Variants in STAT5B observed in about 807,000 individuals in gnomAD.
STAT5B encodes the protein signal transducer and activator of transcription 5B, also known as transcription factor STAT5B.
Under a neutral mutation model 107.8 loss-of-function variants are expected in STAT5B, and 21 were observed. The ratio of observed to expected loss-of-function variants is 0.19; its 90% confidence interval spans 0.14 to 0.28. STAT5B has a LOEUF of 0.28. Among genes scored for constraint, STAT5B ranks in the 10% least tolerant of loss-of-function variants. The probability of loss-of-function intolerance (pLI) is 1.00; values close to 1 mark genes in which losing one functional copy is unlikely to be tolerated. For synonymous variants in STAT5B, 325 were observed against 401.7 expected (o/e 0.81, Z 2.28); for missense variants, 565 against 1,008.2 (o/e 0.56, Z 5.95).
Position 42,206,608 on chromosome 17 carries a change from CTT to C in STAT5B, c.2077+948_2077+949del, listed in dbSNP as rs541345103. Among the ~76,000 whole-genome samples, 154 of 152,146 alleles carry C rather than the reference CTT, an allele frequency of 1.0e-3. 1 individual carries two copies. The highest frequency in any genetic ancestry group is 2.0e-3 in the Non-Finnish European group (136 of 68,030). On this transcript the variant is annotated intron_variant, in intron 16 of 18. Transcript: ENST00000293328. ...TTTGTTTTTGAGACAGAGTTTCACT[CTT>C]GTTGCCCAGGCTGGAGTGCAATGGC...
chr17:42,282,243 G>A, the STAT5B span, among the ~76,000 whole-genome samples: 1 of 152,192 alleles, frequency 6.6e-6, no homozygotes, highest in Non-Finnish European at 1.5e-5. Flanking sequence ...CTGTAATACA[G>A]ATGGGATTGA....
At chr17:42,255,058 T>C (rs2080531291) in intron 1 of STAT5B, among the ~76,000 whole-genome samples, 2 of 152,092 alleles carry the variant, frequency 1.3e-5, no homozygotes, top group Admixed American at 1.3e-4. Context: ...GCCACTGCAC[T>C]CCAGCCTGGC....
At chr17:42,224,638 C>A in intron 4 of STAT5B, 141 bp downstream of exon 4, 1 of 855,438 alleles carries the variant, frequency 1.2e-6, no homozygotes, top group Non-Finnish European at 1.9e-6. Context: ...TCTCCTATTT[C>A]TTTTGTGCCC....
At chr17:42,211,297 C>T (rs989187719) in intron 13 of STAT5B, among the ~76,000 whole-genome samples, 8 of 152,070 alleles carry the variant, frequency 5.3e-5, no homozygotes, top group South Asian at 2.1e-4. Context: ...CACCTGAGGT[C>T]GGGAGTTCGA....
At chr17:42,226,589 C>T (rs1469540879) in intron 3 of STAT5B, among the ~76,000 whole-genome samples, 6 of 151,744 alleles carry the variant, frequency 4.0e-5, no homozygotes, top group Non-Finnish European at 8.8e-5. Flanking sequence ...GGGTGAATCA[C>T]CTGAGGTCGG....
At position 42,246,351 on chromosome 17, in the gene STAT5B, A is replaced by AT. The variant is rs557991612; in HGVS notation, c.-10-14215dup. Among the ~76,000 whole-genome samples the AT allele has an allele frequency of 3.1e-3, 473 of 152,220 alleles. 3 individuals are homozygous for AT. The highest frequency in any genetic ancestry group is 0.011 in the African/African-American group (461 of 41,534). On this transcript the variant is annotated intron_variant, in intron 1 of 18. Coordinates refer to ENST00000293328, the MANE Select transcript of STAT5B (RefSeq NM_012448.4). Reference sequence around the variant, plus strand: ...AATTCAGAATTATAAAAAAATTTTAATTTTAAGTAGAACATTCAGAATTAT... The same window carrying AT: ...AATTCAGAATTATAAAAAAATTTTAATTTTTAAGTAGAACATTCAGAATTAT...
chr17:42,228,478 C>G (rs546000861), intron 2 of STAT5B, among the ~76,000 whole-genome samples: 1 of 152,244 alleles, frequency 6.6e-6, no homozygotes, highest in East Asian at 1.9e-4. Flanking sequence ...ATTACTTACT[C>G]ACTGAAGAAA....
At chr17:42,274,295 A>T (rs965782923) in intron 1 of STAT5B, among the ~76,000 whole-genome samples, 1 of 151,348 alleles carries the variant, frequency 6.6e-6, no homozygotes, top group African/African-American at 2.4e-5. Flanking sequence ...AAAAAAAAAA[A>T]AAAAAAAAAA....
chr17:42,214,244 TTACATGG>T, intron 12 of STAT5B: 9 of 985,136 alleles, frequency 9.1e-6, no homozygotes, highest in Non-Finnish European at 1.1e-5. Context: ...ACTTGAGTAA[TTACATGG>T]TGCAGGAGAT....
intron 2 of STAT5B, among the ~76,000 whole-genome samples, chr17:42,230,289 T>C (rs1042725421): frequency 6.6e-6 from 1 of 152,204 alleles, no homozygotes; most frequent in Non-Finnish European, 1.5e-5. Flanking sequence ...GACAGGTATA[T>C]GGCCCTTTGC....
chr17:42,200,843 C>CG lies in STAT5B; in HGVS notation c.*894dup. The CG allele has an allele frequency of 2.6e-6, 1 of 382,132 alleles. No homozygotes were observed. Among genetic ancestry groups the CG allele is most frequent in the Non-Finnish European group, 4.6e-6 (1 of 215,972 alleles). The allele number at this position is 382,132 out of a possible 1,614,324, so 23.7% of individuals were successfully genotyped here. ...CTGGCTCAGAGAAAGGCTGGGCAGC[C>CG]GGAACAGCAGCTTCCTGGGTAACCA... is the stretch of plus-strand genomic sequence containing the variant. On this transcript the variant is annotated 3_prime_UTR_variant, in exon 19 of 19. Coordinates refer to ENST00000293328, the MANE Select transcript of STAT5B (RefSeq NM_012448.4).
chr17:42,228,878 G>A (rs1043665090), intron 2 of STAT5B, among the ~76,000 whole-genome samples: 2 of 152,162 alleles, frequency 1.3e-5, no homozygotes, highest in Non-Finnish European at 2.9e-5. Flanking sequence ...AGGTTGCAGT[G>A]AGCCAAGATT....
intron 1 of STAT5B, among the ~76,000 whole-genome samples, chr17:42,257,261 T>C (rs2080553918): frequency 6.6e-6 from 1 of 152,218 alleles, no homozygotes; most frequent in Non-Finnish European, 1.5e-5. Context: ...TTCTCTTTAT[T>C]TCTGTTGGGA....
At chr17:42,206,878 CTTT>C (rs78288666) in intron 16 of STAT5B, among the ~76,000 whole-genome samples, 12 of 132,506 alleles carry the variant, frequency 9.1e-5, no homozygotes, top group Admixed American at 7.6e-5. Flanking sequence ...CCCGACCTTC[CTTT>C]TTTTTTTTTT....
At chr17:42,206,388 C>A (rs909679583) in intron 16 of STAT5B, among the ~76,000 whole-genome samples, 1 of 152,016 alleles carries the variant, frequency 6.6e-6, no homozygotes, top group Non-Finnish European at 1.5e-5. Context: ...CCGCGCCCGG[C>A]CTGAATATGT....
In STAT5B at chr17:42,210,129, G is replaced by A. The variant is rs184076885; in HGVS notation, c.1906+42C>T. On this transcript the variant is annotated intron_variant, in intron 15 of 18. Transcript: ENST00000293328. Reference sequence around the variant, plus strand: ...TTATTTGTTAAAATAATTTTGTAACGAAAGCAGCTAACTTTGGACATAAGA... The same window carrying A: ...TTATTTGTTAAAATAATTTTGTAACAAAAGCAGCTAACTTTGGACATAAGA... 78 of 1,613,914 alleles carry A rather than the reference G, an allele frequency of 4.8e-5. No individual in the cohort carries two copies. The East Asian group carries it at 1.5e-3, about 30-fold the overall frequency.
chr17:42,262,970 GTATATATA>G (rs869160306), intron 1 of STAT5B, among the ~76,000 whole-genome samples: 212 of 20,900 alleles, frequency 0.01, no homozygotes, highest in African/African-American at 0.034. Context: ...GTGTGTGTGT[GTATATATA>G]TATATATATA....
intron 15 of STAT5B, among the ~76,000 whole-genome samples, chr17:42,208,817 C>T (rs1169927462): frequency 6.7e-6 from 1 of 149,714 alleles, no homozygotes; most frequent in Non-Finnish European, 1.5e-5. Flanking sequence ...CTGCAAGCTC[C>T]GCCTCCCGGG....
intron 1 of STAT5B, among the ~76,000 whole-genome samples, chr17:42,248,988 C>T (rs947848804): frequency 1.3e-5 from 2 of 152,190 alleles, no homozygotes; most frequent in Non-Finnish European, 2.9e-5. Context: ...TATGGAGCTA[C>T]GCTTTTTCAA....
Sources: gnomAD v4.1 joint callset for allele counts (sites outside exome capture counted in the v4.1 genomes callset) on GRCh38, gnomAD v4.1.1 for gene constraint, MANE v1.5 for transcripts, NCBI Gene and HGNC (gene_info 2026-07-23, HGNC 2026-07-21) for gene names.